ADAMTS7: variants seen among roughly 807,000 people sequenced by gnomAD.
ADAMTS7 encodes the protein ADAM metallopeptidase with thrombospondin type 1 motif 7, also known as A disintegrin and metalloproteinase with thrombospondin motifs 7.
Under a neutral mutation model 172.6 loss-of-function variants are expected in ADAMTS7, and 89 were observed. The ratio of observed to expected loss-of-function variants is 0.52; its 90% CI spans 0.43 to 0.61. ADAMTS7 has a LOEUF of 0.61. ADAMTS7 is among the 20% of genes least tolerant of loss of function. The probability of loss-of-function intolerance (pLI) is 0.00; values close to 1 mark genes in which losing one functional copy is unlikely to be tolerated. For synonymous variants in ADAMTS7, 885 were observed against 978.4 expected (o/e 0.90, Z 1.78); for missense variants, 1,973 against 2,355.6 (o/e 0.84, Z 3.36).
At chr15:78,774,579 C>T (rs372681450) in intron 12 of ADAMTS7, 45 bp downstream of exon 12, 14 of 1,610,366 alleles carry the variant, frequency 8.7e-6, no homozygotes, top group Middle Eastern at 4.5e-4. Flanking sequence ...CCCACACACC[C>T]CCAGCCCTCT....
intron 7 of ADAMTS7, 65 bp downstream of exon 7, chr15:78,789,624 C>G: frequency 6.3e-7 from 1 of 1,588,874 alleles, no homozygotes; most frequent in Non-Finnish European, 8.6e-7. Context: ...GCTGGATACC[C>G]GGTGCCCCCA....
At chr15:78,802,579 G>A (rs571968633) in intron 1 of ADAMTS7, among the ~76,000 whole-genome samples, 10 of 152,308 alleles carry the variant, frequency 6.6e-5, no homozygotes, top group African/African-American at 2.4e-4. Context: ...TCAGGCCCTT[G>A]CAGTTTAAAA....
At chr15:78,778,798 G>C (rs1001185856) in intron 8 of ADAMTS7, among the ~76,000 whole-genome samples, 6 of 152,198 alleles carry the variant, frequency 3.9e-5, no homozygotes, top group Non-Finnish European at 8.8e-5. Context: ...GATTGGGACA[G>C]GCAGGGGGTT....
rs771997618 is a variant in ADAMTS7 at position 78,771,499 on chromosome 15, C to T, written c.2376+86G>A. The T allele has an allele frequency of 1.1e-5, 17 of 1,542,364 alleles. 1 individual carries two copies. The highest frequency in any genetic ancestry group is 5.9e-5 in the South Asian group (5 of 84,718). Reference sequence around the variant, plus strand: ...CTCTGTGACTGAACCAGGGCTCACTCCTCCAGGACGAGACCTGCCATGGAG... The same window carrying T: ...CTCTGTGACTGAACCAGGGCTCACTTCTCCAGGACGAGACCTGCCATGGAG... On this transcript the variant is annotated intron_variant, in intron 15 of 23. Transcript: ENST00000388820. This position sits in a 1 kb window ranked among gnomAD's most constrained non-coding sequence, Gnocchi z 4.9.
intron 10 of ADAMTS7, 49 bp downstream of exon 10, chr15:78,776,700 A>C: frequency 6.6e-7 from 1 of 1,505,962 alleles, no homozygotes; most frequent in Non-Finnish European, 9.0e-7. Context: ...TCACAGCAGG[A>C]AGTCTGGCCT....
At chr15:78,764,231 A>G in intron 20 of ADAMTS7, 132 bp from the exon 21 acceptor site, 3 of 1,306,386 alleles carry the variant, frequency 2.3e-6, no homozygotes, top group Non-Finnish European at 3.1e-6. Flanking sequence ...AACCCCAGCG[A>G]GAGGCCAAGG....
chr15:78,767,090 G>A, intron 18 of ADAMTS7, 39 bp from the exon 19 acceptor site: 2 of 1,513,986 alleles, frequency 1.3e-6, no homozygotes, highest in Non-Finnish European at 1.8e-6. Flanking sequence ...ACCCTGGGAG[G>A]CAGGCTGCCA....
intron 7 of ADAMTS7, among the ~76,000 whole-genome samples, 191 bp from the exon 8 acceptor site, chr15:78,788,565 G>C (rs151072929): frequency 6.6e-6 from 1 of 152,234 alleles, no homozygotes; most frequent in Non-Finnish European, 1.5e-5. Context: ...TAAAATGAGG[G>C]TATGACAGCT....
intron 23 of ADAMTS7, among the ~76,000 whole-genome samples, chr15:78,759,882 G>A (rs538299526): frequency 2.4e-4 from 36 of 152,016 alleles, no homozygotes; most frequent in South Asian, 1.9e-3. Flanking sequence ...CCAGGGCGAC[G>A]CCTTGCCACC....
intron 8 of ADAMTS7, among the ~76,000 whole-genome samples, chr15:78,780,646 C>T (rs8182076): frequency 0.27 from 40,160 of 150,396 alleles, 5,107 homozygotes; most frequent in Middle Eastern, 0.39. Flanking sequence ...GGTCAACCCT[C>T]TTGGACAAGC....
intron 8 of ADAMTS7, among the ~76,000 whole-genome samples, chr15:78,786,351 C>T (rs1374472756): frequency 6.6e-6 from 1 of 152,202 alleles, no homozygotes; most frequent in Non-Finnish European, 1.5e-5. Flanking sequence ...TACTTTGGTC[C>T]ATGAGCTCAG....
intron 22 of ADAMTS7, 30 bp downstream of exon 22, chr15:78,763,669 C>A: frequency 2.0e-6 from 3 of 1,509,678 alleles, no homozygotes; most frequent in Non-Finnish European, 2.6e-6. Context: ...CAAGCACTTG[C>A]TCCCTGCTCC....
chr15:78,768,098 G>GA, intron 17 of ADAMTS7, 35 bp downstream of exon 17: 1 of 1,515,832 alleles, frequency 6.6e-7, no homozygotes, highest in Non-Finnish European at 8.9e-7. Context: ...CGGGGGATGG[G>GA]GTGGGGAGTT....
At chr15:78,804,420 G>A (rs1174787539) in intron 1 of ADAMTS7, among the ~76,000 whole-genome samples, 2 of 152,088 alleles carry the variant, frequency 1.3e-5, no homozygotes, top group Admixed American at 6.5e-5. Context: ...GGAGTTTCTC[G>A]ATTGGATTTA....
chr15:78,766,638 T>G lies in ADAMTS7; in HGVS notation c.3273A>C (p.Thr1091=), dbSNP rs140478676. The change falls in exon 19 of 24, where the codon ACA becomes ACC. Residue 1091 remains threonine, a synonymous_variant. Coordinates refer to ENST00000388820, the MANE Select transcript of ADAMTS7 (RefSeq NM_014272.5). ...TGTGTGGTGGGGGTGTCCGGTCCCC[T>G]GTCCCCGCCAGGTCTAGATCGGGCT... is the stretch of plus-strand genomic sequence containing the variant. The part of the protein sequence containing the change: ...SEEPDLDLAG[T]GDRTPPPHSH... 1 of 1,609,012 alleles carries G rather than the reference T, an allele frequency of 6.2e-7. No individual in the cohort carries two copies.
chr15:78,797,876 G>A (rs2055666526), intron 3 of ADAMTS7, 72 bp downstream of exon 3: 2 of 1,529,172 alleles, frequency 1.3e-6, no homozygotes, highest in East Asian at 2.4e-5. Context: ...ATGTTAAGGG[G>A]GGCTTCTAGA....
rs960981409 is a variant in ADAMTS7, at chr15:78,777,596, T to A, written c.1323-8A>T. On this transcript the variant is annotated splice_polypyrimidine_tract_variant and splice_region_variant and intron_variant, in intron 8 of 23. Coordinates refer to ENST00000388820, the MANE Select transcript of ADAMTS7 (RefSeq NM_014272.5). ...CACAGGCCCCACCCACGGCTAAAGATGGGACGGGAGGATGGAGGGGGGCGC... is the reference window on the plus strand; with the variant it reads ...CACAGGCCCCACCCACGGCTAAAGAAGGGACGGGAGGATGGAGGGGGGCGC... 6.2e-7 allele frequency: 1 copy of A among 1,600,564 alleles called. No homozygotes were observed. Among genetic ancestry groups the A allele is most frequent in the African/African-American group, 1.3e-5 (1 of 74,714 alleles).
chr15:78,771,451 G>A lies in ADAMTS7; in HGVS notation c.2376+134C>T. On this transcript the variant is annotated intron_variant, in intron 15 of 23. Coordinates refer to ENST00000388820, the MANE Select transcript of ADAMTS7 (RefSeq NM_014272.5). The surrounding 1 kb of genome is among the most constrained non-coding windows in gnomAD (Gnocchi z 4.9). ...GGAAACTGAGGTAGAGGCCGCAGCA[G>A]GAGGGCCTGGCTCAGAGCCAGGCTC... is the stretch of plus-strand genomic sequence containing the variant. 1 of 1,531,466 alleles carries A rather than the reference G, an allele frequency of 6.5e-7. No homozygotes were observed. Among genetic ancestry groups the A allele is most frequent in the Non-Finnish European group, 8.8e-7 (1 of 1,136,138 alleles). 94.9% of individuals were successfully genotyped at this position (1,531,466 alleles called of 1,614,324 possible).
intron 4 of ADAMTS7, 115 bp from the exon 5 acceptor site, chr15:78,791,338 G>T: frequency 1.3e-6 from 1 of 768,328 alleles, no homozygotes; most frequent in Admixed American, 2.6e-5. Flanking sequence ...TCACACACAG[G>T]GACTCTCACA....
Sources: allele counts gnomAD v4.1 joint callset (sites outside exome capture counted in the v4.1 genomes callset), GRCh38; gene constraint gnomAD v4.1.1; non-coding constraint Gnocchi (gnomAD v3.1); transcripts MANE v1.5; gene names NCBI Gene and HGNC (gene_info 2026-07-23, HGNC 2026-07-21).